The following HDAC9 variants were observed in gnomAD, a reference collection of about 807,000 sequenced individuals.
The protein encoded by HDAC9 is MEF-2 interacting transcription repressor (MITR) protein.
HDAC9 carries 41 observed loss-of-function variants against 139.4 expected under a neutral mutation model. The observed-to-expected ratio is 0.29, with a 90% CI of 0.23 to 0.38. The LOEUF (loss-of-function observed/expected upper bound fraction) is 0.38, where lower values mean the gene tolerates loss of function less well. Among genes scored for constraint, HDAC9 ranks in the 10% least tolerant of loss-of-function variants. HDAC9 has a pLI of 1.00. For synonymous variants in HDAC9, 517 were observed against 476.2 expected (o/e 1.09, Z -1.12); for missense variants, 1,147 against 1,297.0 (o/e 0.88, Z 1.78).
chr7:18,165,667 G>A (rs1787958932), intron 2 of HDAC9, among the ~76,000 whole-genome samples: 1 of 151,976 alleles, frequency 6.6e-6, no homozygotes, highest in South Asian at 2.1e-4. Flanking sequence ...GTGCATGCCT[G>A]TAGTCCCTGC....
intron 6 of HDAC9, among the ~76,000 whole-genome samples, chr7:18,608,182 A>G (rs927762561): frequency 1.3e-5 from 2 of 152,156 alleles, no homozygotes; most frequent in African/African-American, 2.4e-5. Flanking sequence ...GAGATAGAAA[A>G]TAAATGATGA....
intron 17 of HDAC9, among the ~76,000 whole-genome samples, chr7:18,817,016 A>G (rs1399589178): frequency 6.6e-6 from 1 of 150,440 alleles, no homozygotes; most frequent in African/African-American, 2.5e-5. Flanking sequence ...ACGACTTAAT[A>G]TACCTAGGTG....
chr7:18,817,647 C>T lies in HDAC9; in HGVS notation c.2323-11514C>T, dbSNP rs532778140. On this transcript the variant is annotated intron_variant, in intron 17 of 25. Transcript: ENST00000686413. ...AACTAGCTAATGTATACTTTATTTT[C>T]ATTATGCTTTTGTTCTGTCATCAGG... Among the ~76,000 whole-genome samples the T allele has an allele frequency of 9.9e-5, 15 of 152,182 alleles. No individual in the cohort carries two copies. The East Asian group carries it at 2.7e-3, about 27-fold the overall frequency.
intron 1 of HDAC9, among the ~76,000 whole-genome samples, chr7:18,314,213 G>T (rs1360080868): frequency 1.3e-5 from 2 of 152,146 alleles, no homozygotes; most frequent in Non-Finnish European, 2.9e-5. Flanking sequence ...TGGGTGAGGA[G>T]GCCATTGTAT....
At chr7:18,425,825 A>G (rs1055966693) in intron 1 of HDAC9, among the ~76,000 whole-genome samples, 1 of 152,240 alleles carries the variant, frequency 6.6e-6, no homozygotes, top group African/African-American at 2.4e-5. Flanking sequence ...TGATCTATGC[A>G]TATAGGTGAG....
At chr7:18,211,448 C>G (rs549826687) in intron 2 of HDAC9, among the ~76,000 whole-genome samples, 3 of 152,248 alleles carry the variant, frequency 2.0e-5, no homozygotes, top group African/African-American at 4.8e-5. Flanking sequence ...TTTGTCCTTG[C>G]ATGTGAAAAT....
At chr7:18,588,207 C>T (rs564636403) in intron 3 of HDAC9, among the ~76,000 whole-genome samples, 5 of 152,198 alleles carry the variant, frequency 3.3e-5, no homozygotes, top group African/African-American at 1.2e-4. Flanking sequence ...CATATAATAG[C>T]TTTTTATTTT....
chr7:18,975,979 T>C (rs908910881), intron 25 of HDAC9, 26 bp downstream of exon 25: 4 of 1,608,172 alleles, frequency 2.5e-6, no homozygotes, highest in Non-Finnish European at 3.4e-6. Flanking sequence ...GCGGGAATAA[T>C]CCGGGTCAGT....
At chr7:18,363,323 T>G (rs17419156) in intron 1 of HDAC9, among the ~76,000 whole-genome samples, 62,074 of 151,854 alleles carry the variant, frequency 0.41, 14,400 homozygotes, top group East Asian at 0.57. Context: ...TAAAGCTGAT[T>G]GTGAGGATTA....
chr7:18,745,223 T>G (rs771984790), intron 13 of HDAC9, among the ~76,000 whole-genome samples: 24 of 152,202 alleles, frequency 1.6e-4, no homozygotes, highest in Non-Finnish European at 2.9e-4. Context: ...CATTTTCCAG[T>G]CTACCTGTTA....
chr7:18,950,127 A>G (rs1267660492), intron 23 of HDAC9, among the ~76,000 whole-genome samples: 5 of 152,102 alleles, frequency 3.3e-5, no homozygotes, highest in African/African-American at 9.7e-5. Flanking sequence ...ATTAATTTCA[A>G]TGCCTTTCAA....
At chr7:18,593,205 C>A (rs1299048042) in intron 5 of HDAC9, among the ~76,000 whole-genome samples, 3 of 152,006 alleles carry the variant, frequency 2.0e-5, no homozygotes, top group African/African-American at 2.4e-5. Flanking sequence ...GATGGTGATA[C>A]TATGTCCTGT....
At chr7:18,392,315 TCACACACACACA>T (rs57932620) in intron 1 of HDAC9, among the ~76,000 whole-genome samples, 5 of 119,348 alleles carry the variant, frequency 4.2e-5, no homozygotes, top group African/African-American at 1.3e-4. Context: ...TCTCTCTCTC[TCACACACACACA>T]CACACACACA....
chr7:18,256,364 C>A (rs1264153588), intron 2 of HDAC9, among the ~76,000 whole-genome samples: 1 of 152,068 alleles, frequency 6.6e-6, no homozygotes, highest in Non-Finnish European at 1.5e-5. Context: ...ATAGAAAATA[C>A]AATTCTGTAG....
At position 18,996,252 on chromosome 7, in the gene HDAC9, C is replaced by G. The variant is rs1027447573; in HGVS notation, c.*190C>G. On this transcript the variant is annotated 3_prime_UTR_variant, in exon 26 of 26. Coordinates refer to ENST00000686413, the MANE Select transcript of HDAC9 (RefSeq NM_178425.4). ...TGGACTTGAAAGGGCATTAAAGATT[C>G]CTTAAACGTAACCGCTGTGATTCTA... 4 of 520,796 alleles carry G rather than the reference C, an allele frequency of 7.7e-6. No individual in the cohort carries two copies. In the East Asian group the frequency reaches 9.8e-5, roughly 13 times the overall value. The allele number at this position is 520,796 out of a possible 1,614,324, so 32.3% of individuals were successfully genotyped here.
intron 3 of HDAC9, among the ~76,000 whole-genome samples, chr7:18,588,227 A>G (rs1279078512): frequency 6.6e-6 from 1 of 152,106 alleles, no homozygotes; most frequent in Non-Finnish European, 1.5e-5. Context: ...TTGTTCTATT[A>G]CTTTTTGGTG....
At chr7:18,219,888 CT>C (rs1409939276) in intron 2 of HDAC9, among the ~76,000 whole-genome samples, 2 of 152,132 alleles carry the variant, frequency 1.3e-5, no homozygotes, top group Middle Eastern at 3.2e-3. Flanking sequence ...GCAGGGAGAC[CT>C]TGGAATAAGG....
chr7:18,813,490 A>C (rs779509288), intron 17 of HDAC9, among the ~76,000 whole-genome samples: 19 of 152,118 alleles, frequency 1.2e-4, no homozygotes, highest in Non-Finnish European at 2.2e-4. Flanking sequence ...GGTCATACTC[A>C]TAAAGGACAA....
At chr7:18,742,177 T>C (rs567413023) in intron 13 of HDAC9, among the ~76,000 whole-genome samples, 16 of 152,328 alleles carry the variant, frequency 1.1e-4, no homozygotes, top group Middle Eastern at 3.4e-3. Flanking sequence ...AATGCTATAA[T>C]ACTAAGCAGC....
Sources: allele counts gnomAD v4.1 joint callset (sites outside exome capture counted in the v4.1 genomes callset), GRCh38; gene constraint gnomAD v4.1.1; transcripts MANE v1.5; gene names NCBI Gene and HGNC (gene_info 2026-07-23, HGNC 2026-07-21).